ZNF618: variants seen among roughly 807,000 people sequenced by gnomAD.
ZNF618 encodes neural precursor cell expressed, developmentally down-regulated 10.
A neutral mutation model predicts 103.0 loss-of-function variants in ZNF618; 34 were observed. The ratio of observed to expected loss-of-function variants is 0.33; its 90% confidence interval spans 0.25 to 0.44. ZNF618 has a LOEUF of 0.44. ZNF618 is among the 20% of genes least tolerant of loss of function. The probability of loss-of-function intolerance (pLI) is 1.00; values close to 1 mark genes in which losing one functional copy is unlikely to be tolerated. For synonymous variants in ZNF618, 551 were observed against 542.2 expected (o/e 1.02, Z -0.23); for missense variants, 1,059 against 1,295.4 (o/e 0.82, Z 2.80).
chr9:113,969,700 G>A (rs540047835), intron 2 of ZNF618, among the ~76,000 whole-genome samples: 9 of 152,318 alleles, frequency 5.9e-5, no homozygotes, highest in African/African-American at 1.4e-4. Flanking sequence ...ACCAAAGAAG[G>A]GAGAGATATC....
intron 1 of ZNF618, among the ~76,000 whole-genome samples, chr9:113,903,388 C>T (rs914111687): frequency 6.6e-6 from 1 of 152,036 alleles, no homozygotes; most frequent in Admixed American, 6.5e-5. Context: ...AACTGGGAGC[C>T]ATTCATACTG....
chr9:113,949,269 C>T (rs1239227465), intron 1 of ZNF618, among the ~76,000 whole-genome samples: 1 of 152,194 alleles, frequency 6.6e-6, no homozygotes, highest in African/African-American at 2.4e-5. Context: ...AGGAGCATTT[C>T]CATTGCAGTC....
chr9:113,970,652 T>C (rs1425532206), intron 2 of ZNF618, among the ~76,000 whole-genome samples: 1 of 151,964 alleles, frequency 6.6e-6, no homozygotes, highest in Non-Finnish European at 1.5e-5. Context: ...TCTCTGATCT[T>C]CCCATGATGA....
intron 1 of ZNF618, among the ~76,000 whole-genome samples, chr9:113,951,458 TAC>T (rs1554732921): frequency 3.7e-5 from 2 of 54,654 alleles, no homozygotes; most frequent in Admixed American, 2.2e-4. Flanking sequence ...TGTGTATATA[TAC>T]ATATATGTGT....
At chr9:113,929,089 C>T (rs1265184824) in intron 1 of ZNF618, among the ~76,000 whole-genome samples, 1 of 152,236 alleles carries the variant, frequency 6.6e-6, no homozygotes, top group Non-Finnish European at 1.5e-5. Flanking sequence ...CCCAACTCCA[C>T]ATTCATCTCA....
intron 13 of ZNF618, among the ~76,000 whole-genome samples, chr9:114,039,340 G>GT (rs968810244): frequency 0.032 from 3,371 of 104,190 alleles, 76 homozygotes; most frequent in East Asian, 0.2. Flanking sequence ...TTTCTTGTTT[G>GT]TTTTTTTTTT....
intron 1 of ZNF618, among the ~76,000 whole-genome samples, chr9:113,932,817 G>A (rs544894267): frequency 1.3e-5 from 2 of 152,266 alleles, no homozygotes; most frequent in East Asian, 3.9e-4. Flanking sequence ...AGATGCCTCT[G>A]AGGTGCCCCA....
intron 6 of ZNF618, among the ~76,000 whole-genome samples, chr9:114,004,652 T>C (rs1465256281): frequency 1.3e-5 from 2 of 152,164 alleles, no homozygotes; most frequent in African/African-American, 4.8e-5. Context: ...CGCTATTTTA[T>C]TCTCAGTCCT....
Position 114,056,119 on chromosome 9 carries a change from T to C in ZNF618, c.*5952T>C, listed in dbSNP as rs1044655751. 9 of 152,496 alleles carry C rather than the reference T, an allele frequency of 5.9e-5. No homozygotes were observed. Among genetic ancestry groups the C allele is most frequent in the Non-Finnish European group, 1.2e-4 (8 of 68,014 alleles). 9.4% of individuals were successfully genotyped at this position (152,496 alleles called of 1,614,324 possible). On this transcript the variant is annotated 3_prime_UTR_variant, in exon 15 of 15. Coordinates refer to ENST00000374126, the MANE Select transcript of ZNF618 (RefSeq NM_001318042.2). The stretch of plus-strand genomic sequence containing the variant: ...GGTTGAGTTGACGGTTCTTGTGATA[T>C]GTAAACCCCCGAGACCAAACTTGAG...
chr9:114,045,897 T>C (rs537843540), intron 13 of ZNF618, among the ~76,000 whole-genome samples: 47 of 152,068 alleles, frequency 3.1e-4, no homozygotes, highest in African/African-American at 1.0e-3. Context: ...ACTTAGGTCT[T>C]ATTTGAGTTC....
intron 1 of ZNF618, among the ~76,000 whole-genome samples, chr9:113,957,044 A>G (rs1836375685): frequency 6.6e-6 from 1 of 152,206 alleles, no homozygotes; most frequent in Non-Finnish European, 1.5e-5. Context: ...GACACATAGT[A>G]TGTAAGTGGT....
intron 1 of ZNF618, among the ~76,000 whole-genome samples, chr9:113,926,303 C>A (rs1012696279): frequency 6.6e-6 from 1 of 151,706 alleles, no homozygotes; most frequent in African/African-American, 2.4e-5. Flanking sequence ...TCAATATTTT[C>A]TTTTTGTCTT....
chr9:113,970,651 T>C (rs1837868921), intron 2 of ZNF618, among the ~76,000 whole-genome samples: 2 of 152,012 alleles, frequency 1.3e-5, no homozygotes, highest in South Asian at 4.2e-4. Context: ...TTCTCTGATC[T>C]TCCCATGATG....
At chr9:113,908,498 CA>C (rs376354084) in intron 1 of ZNF618, among the ~76,000 whole-genome samples, 15 of 152,192 alleles carry the variant, frequency 9.9e-5, no homozygotes, top group African/African-American at 1.7e-4. Flanking sequence ...CTATGTTATA[CA>C]TTTTTTTTTG....
At chr9:113,983,668 G>A (rs1441341924) in intron 2 of ZNF618, among the ~76,000 whole-genome samples, 2 of 152,206 alleles carry the variant, frequency 1.3e-5, no homozygotes, top group Non-Finnish European at 2.9e-5. Flanking sequence ...ACATTCCCCT[G>A]TGCCTGACTC....
intron 5 of ZNF618, 126 bp from the exon 6 acceptor site, chr9:114,002,498 A>G (rs1187775204): frequency 2.5e-5 from 26 of 1,043,338 alleles, no homozygotes; most frequent in Non-Finnish European, 1.4e-6. Context: ...AGAGGCTGGC[A>G]TCAGGGGCCC....
chr9:114,022,694 C>T (rs7041397), intron 10 of ZNF618, among the ~76,000 whole-genome samples: 56,745 of 133,560 alleles, frequency 0.42, 11,866 homozygotes, highest in African/African-American at 0.62. Flanking sequence ...TTCCCACTTT[C>T]TTTTTTAATT....
chr9:113,953,745 A>G (rs1185217048), intron 1 of ZNF618, among the ~76,000 whole-genome samples: 1 of 152,190 alleles, frequency 6.6e-6, no homozygotes, highest in African/African-American at 2.4e-5. Flanking sequence ...AACCTGAGTC[A>G]TCTTCCCCTT....
chr9:113,916,377 CTGA>C (rs1252379113), intron 1 of ZNF618, among the ~76,000 whole-genome samples: 1 of 152,106 alleles, frequency 6.6e-6, no homozygotes, highest in Non-Finnish European at 1.5e-5. Flanking sequence ...CTTCGTGGTC[CTGA>C]TGATAAGGTT....
Sources: allele counts gnomAD v4.1 joint callset (sites outside exome capture counted in the v4.1 genomes callset), GRCh38; gene constraint gnomAD v4.1.1; transcripts MANE v1.5; gene names NCBI Gene and HGNC (gene_info 2026-07-23, HGNC 2026-07-21).